STK39: variants seen among roughly 807,000 people sequenced by gnomAD.
STK39 encodes serine/threonine kinase 39.
STK39 carries 20 observed loss-of-function variants against 77.8 expected under a neutral mutation model. That is an observed-to-expected ratio of 0.26 (90% CI 0.18 to 0.37). The LOEUF (loss-of-function observed/expected upper bound fraction) is 0.37. Ranked by LOEUF, STK39 falls within the 10% of genes least tolerant of loss-of-function variation. The pLI, the probability that STK39 is intolerant of heterozygous loss-of-function variation, is 1.00. For synonymous variants in STK39, 246 were observed against 234.1 expected (o/e 1.05, Z -0.47); for missense variants, 479 against 656.5 (o/e 0.73, Z 2.95).
chr2:168,021,011 A>G (rs543559817), intron 14 of STK39, among the ~76,000 whole-genome samples: 6 of 152,322 alleles, frequency 3.9e-5, no homozygotes, highest in Non-Finnish European at 8.8e-5. Flanking sequence ...TAGTCCAATA[A>G]CAAAACAACC....
At chr2:168,176,102 A>C (rs935805654) in intron 2 of STK39, among the ~76,000 whole-genome samples, 1 of 152,234 alleles carries the variant, frequency 6.6e-6, no homozygotes. Context: ...TCTTAACTTC[A>C]AAAAGAATGG....
chr2:168,030,919 C>T (rs186652322), intron 14 of STK39, among the ~76,000 whole-genome samples: 3 of 152,260 alleles, frequency 2.0e-5, no homozygotes, highest in East Asian at 1.9e-4. Flanking sequence ...CATCCATGCA[C>T]GAGAATACAT....
chr2:168,201,389 TG>T (rs1689608340), intron 1 of STK39, among the ~76,000 whole-genome samples: 1 of 152,216 alleles, frequency 6.6e-6, no homozygotes, highest in East Asian at 1.9e-4. Context: ...GAAGCACTGA[TG>T]CATATTTATG....
At chr2:168,201,940 C>T (rs1559143918) in intron 1 of STK39, among the ~76,000 whole-genome samples, 1 of 152,188 alleles carries the variant, frequency 6.6e-6, no homozygotes, top group Admixed American at 6.5e-5. Flanking sequence ...GAACAAAGAA[C>T]AGCTTTGTCC....
At chr2:168,153,849 G>A (rs1329254842) in intron 5 of STK39, among the ~76,000 whole-genome samples, 2 of 152,214 alleles carry the variant, frequency 1.3e-5, no homozygotes, top group African/African-American at 2.4e-5. Flanking sequence ...GCCAGATCTT[G>A]TAAGGCCTCA....
At chr2:168,165,739 C>T (rs879359063) in intron 3 of STK39, among the ~76,000 whole-genome samples, 1 of 151,792 alleles carries the variant, frequency 6.6e-6, no homozygotes, top group African/African-American at 2.4e-5. Context: ...ACAATGCCTT[C>T]GTCATCTCAT....
intron 10 of STK39, among the ~76,000 whole-genome samples, chr2:168,095,986 G>A (rs1489719029): frequency 6.6e-6 from 1 of 152,094 alleles, no homozygotes; most frequent in Non-Finnish European, 1.5e-5. Flanking sequence ...AATAACTGAA[G>A]CAGAAACCTT....
chr2:168,066,780 C>A (rs778850143), intron 12 of STK39, among the ~76,000 whole-genome samples: 5 of 152,222 alleles, frequency 3.3e-5, no homozygotes, highest in Non-Finnish European at 4.4e-5. Flanking sequence ...GTAGGTGTAA[C>A]CCTGAATACA....
intron 10 of STK39, among the ~76,000 whole-genome samples, chr2:168,098,513 T>C (rs889021503): frequency 6.6e-6 from 1 of 152,128 alleles, no homozygotes; most frequent in Non-Finnish European, 1.5e-5. Flanking sequence ...AGCCACAATG[T>C]CAAGTGCAGC....
At chr2:168,126,838 ATAT>A (rs902118596) in intron 10 of STK39, among the ~76,000 whole-genome samples, 74 of 152,310 alleles carry the variant, frequency 4.9e-4, no homozygotes, top group African/African-American at 1.8e-3. Flanking sequence ...AAAACAGCCA[ATAT>A]TATGAAACTA....
intron 10 of STK39, among the ~76,000 whole-genome samples, chr2:168,118,623 A>C (rs947533179): frequency 7.9e-5 from 10 of 126,794 alleles, no homozygotes; most frequent in Non-Finnish European, 1.5e-4. Flanking sequence ...AAAAAAAAAA[A>C]CAACAACTCA....
chr2:168,021,964 G>A (rs1684583124), intron 14 of STK39, among the ~76,000 whole-genome samples: 1 of 152,108 alleles, frequency 6.6e-6, no homozygotes, highest in Non-Finnish European at 1.5e-5. Context: ...GATGTTTTAT[G>A]CATGTACCAG....
rs757114684 is a variant in STK39 at position 168,161,641 on chromosome 2, T to C, written c.628+146A>G. The stretch of plus-strand genomic sequence containing the variant: ...TTATCAAAACAATAAGGAAAATATG[T>C]TATCCTTCGGACCCAAACATTCTGT... On this transcript the variant is annotated intron_variant, in intron 5 of 17. Coordinates refer to ENST00000355999, the MANE Select transcript of STK39 (RefSeq NM_013233.3). 5.4e-6 allele frequency: 3 copies of C among 556,236 alleles called. No individual in the cohort carries two copies. The South Asian group carries it at 1.1e-4, about 21-fold the overall frequency. 34.5% of individuals were successfully genotyped at this position (556,236 alleles called of 1,614,324 possible).
chr2:168,216,267 T>C (rs1234192692), intron 1 of STK39, among the ~76,000 whole-genome samples: 17 of 152,168 alleles, frequency 1.1e-4, no homozygotes, highest in Non-Finnish European at 2.4e-4. Flanking sequence ...GGGAGACAGA[T>C]GAAGGCTTCC....
intron 10 of STK39, among the ~76,000 whole-genome samples, chr2:168,111,885 C>G (rs1324512884): frequency 6.6e-6 from 1 of 152,160 alleles, no homozygotes; most frequent in Non-Finnish European, 1.5e-5. Flanking sequence ...AAAAACCTCA[C>G]TGGATCTTTA....
In STK39 at chr2:168,062,278, C is replaced by T. The variant is rs554487205; in HGVS notation, c.1376+1222G>A. 1.5e-3 allele frequency among the ~76,000 whole-genome samples: 229 copies of T among 152,178 alleles called. 2 individuals are homozygous for T. The highest frequency in any genetic ancestry group is 5.2e-3 in the African/African-American group (217 of 41,528). On this transcript the variant is annotated intron_variant, in intron 14 of 17. Transcript: ENST00000355999. ...GCGCAGAGTGGGCTCCTCATAAATACGGGCTGAATTAATGAATAACTGAAC... is the reference window on the plus strand; with the variant it reads ...GCGCAGAGTGGGCTCCTCATAAATATGGGCTGAATTAATGAATAACTGAAC...
chr2:168,114,428 T>C (rs1040959211), intron 10 of STK39, among the ~76,000 whole-genome samples: 4 of 152,184 alleles, frequency 2.6e-5, no homozygotes, highest in Admixed American at 2.0e-4. Context: ...AAAAAAAGCA[T>C]TTTTAGAATC....
At chr2:168,199,764 C>T (rs536450995) in intron 1 of STK39, among the ~76,000 whole-genome samples, 3 of 152,260 alleles carry the variant, frequency 2.0e-5, no homozygotes, top group African/African-American at 4.8e-5. Flanking sequence ...CCGCCCACCT[C>T]GGCCTCCCAA....
At chr2:167,994,827 C>A (rs951664466) in intron 16 of STK39, among the ~76,000 whole-genome samples, 2 of 152,122 alleles carry the variant, frequency 1.3e-5, no homozygotes, top group African/African-American at 4.8e-5. Flanking sequence ...GGAGAGAAGT[C>A]TCCAGTACAG....
Sources: allele counts gnomAD v4.1 joint callset (sites outside exome capture counted in the v4.1 genomes callset), GRCh38; gene constraint gnomAD v4.1.1; transcripts MANE v1.5; gene names NCBI Gene and HGNC (gene_info 2026-07-23, HGNC 2026-07-21).